GPD1L: variants seen among roughly 807,000 people sequenced by gnomAD.
GPD1L encodes the protein glycerol-3-phosphate dehydrogenase 1 like.
In GPD1L, 17 loss-of-function variants were observed where a neutral mutation model predicts 32.9. The observed-to-expected ratio is 0.52, with a 90% CI of 0.35 to 0.78. The LOEUF (loss-of-function observed/expected upper bound fraction) is 0.78. Ranked by LOEUF, GPD1L falls within the 30% of genes least tolerant of loss-of-function variation. The pLI is 0.01. For missense variants in GPD1L, 361 were observed against 447.8 expected (o/e 0.81, Z 1.75); for synonymous variants, 187 against 165.9 (o/e 1.13, Z -0.98).
At chr3:32,140,415 G>T in intron 4 of GPD1L, 49 bp downstream of exon 4, 1 of 1,590,776 alleles carries the variant, frequency 6.3e-7, no homozygotes, top group South Asian at 1.1e-5. Flanking sequence ...TTTGATGTTT[G>T]AACATGTACA....
intron 7 of GPD1L, among the ~76,000 whole-genome samples, chr3:32,162,118 G>A (rs923759389): frequency 7.9e-5 from 12 of 152,186 alleles, no homozygotes; most frequent in East Asian, 3.9e-4. Context: ...GGCAAGTCAC[G>A]TATTTAGCTG....
chr3:32,128,443 A>C (rs1305003076), intron 2 of GPD1L, among the ~76,000 whole-genome samples, 190 bp downstream of exon 2: 1 of 152,204 alleles, frequency 6.6e-6, no homozygotes, highest in East Asian at 1.9e-4. Context: ...AGGATGCCTT[A>C]ACAAAGTGCC....
intron 1 of GPD1L, among the ~76,000 whole-genome samples, chr3:32,119,489 A>T (rs1253924706): frequency 6.6e-6 from 1 of 152,148 alleles, no homozygotes; most frequent in Admixed American, 6.5e-5. Flanking sequence ...GTTCATATTG[A>T]TCTTTTTTCC....
intron 4 of GPD1L, among the ~76,000 whole-genome samples, chr3:32,146,118 G>A (rs1380517333): frequency 7.4e-6 from 1 of 135,456 alleles, no homozygotes; most frequent in African/African-American, 2.8e-5. Flanking sequence ...ACAGAGTCTC[G>A]CTCTGTTGCC....
intron 7 of GPD1L, among the ~76,000 whole-genome samples, chr3:32,161,442 T>G (rs1425345740): frequency 6.6e-6 from 1 of 152,170 alleles, no homozygotes; most frequent in East Asian, 1.9e-4. Context: ...TGTTTGTGTG[T>G]GGTTGGACTA....
chr3:32,148,600 A>G (rs1479174945), intron 5 of GPD1L, among the ~76,000 whole-genome samples: 1 of 152,230 alleles, frequency 6.6e-6, no homozygotes, highest in Non-Finnish European at 1.5e-5. Context: ...TGCACAGATA[A>G]GGAAATCGAG....
At chr3:32,157,080 A>C (rs1390934757) in intron 5 of GPD1L, among the ~76,000 whole-genome samples, 2 of 152,120 alleles carry the variant, frequency 1.3e-5, no homozygotes, top group African/African-American at 4.8e-5. Context: ...TGAAGTTCCA[A>C]CTGAGTTGCC....
chr3:32,126,800 G>C (rs1431727595), intron 1 of GPD1L, among the ~76,000 whole-genome samples: 1 of 152,154 alleles, frequency 6.6e-6, no homozygotes, highest in Admixed American at 6.5e-5. Flanking sequence ...AGTCATCAGG[G>C]AGCTTTAAAA....
At chr3:32,120,182 G>A (rs1700389571) in intron 1 of GPD1L, among the ~76,000 whole-genome samples, 2 of 152,108 alleles carry the variant, frequency 1.3e-5, no homozygotes, top group South Asian at 4.1e-4. Context: ...GTTGGGTGTG[G>A]TGGCGCGTGC....
At chr3:32,135,800 AG>A (rs1390954109) in intron 2 of GPD1L, among the ~76,000 whole-genome samples, 1 of 152,086 alleles carries the variant, frequency 6.6e-6, no homozygotes, top group Non-Finnish European at 1.5e-5. Flanking sequence ...GCTTTGTTGG[AG>A]GGGGTGGAGT....
chr3:32,151,982 A>T (rs1700926081), intron 5 of GPD1L: 1 of 152,588 alleles, frequency 6.6e-6, no homozygotes, highest in Non-Finnish European at 1.5e-5. Context: ...AGTTTCATTA[A>T]CAGAGACCCA....
chr3:32,149,187 G>A (rs1055679836), intron 5 of GPD1L, among the ~76,000 whole-genome samples: 1 of 152,154 alleles, frequency 6.6e-6, no homozygotes, highest in Admixed American at 6.5e-5. Context: ...TGCCTCCTGA[G>A]TAGCTGGGAC....
chr3:32,121,515 TTCTC>T (rs1341713369), intron 1 of GPD1L, among the ~76,000 whole-genome samples: 1,435 of 73,380 alleles, frequency 0.02, 92 homozygotes, highest in African/African-American at 0.047. Flanking sequence ...CTATATATAT[TTCTC>T]TCTATATATA....
At chr3:32,133,897 G>A (rs1208294513) in intron 2 of GPD1L, among the ~76,000 whole-genome samples, 1 of 152,178 alleles carries the variant, frequency 6.6e-6, no homozygotes. Context: ...TGTTTCCAAT[G>A]GTTTTTATTT....
chr3:32,145,608 A>C (rs1220757240), intron 4 of GPD1L, among the ~76,000 whole-genome samples: 1 of 152,090 alleles, frequency 6.6e-6, no homozygotes, highest in African/African-American at 2.4e-5. Flanking sequence ...AATGTTCAGG[A>C]GCATGCTTCA....
chr3:32,138,184 G>A (rs937211741), intron 2 of GPD1L, among the ~76,000 whole-genome samples: 1 of 152,202 alleles, frequency 6.6e-6, no homozygotes, highest in Admixed American at 6.5e-5. Flanking sequence ...GAAGCCCACT[G>A]GAAGCCAGAG....
chr3:32,158,616 C>G (rs1701027104), intron 5 of GPD1L: 1 of 642,912 alleles, frequency 1.6e-6, no homozygotes, highest in Non-Finnish European at 2.6e-6. Flanking sequence ...ATCAGCCGTT[C>G]TGATTTTCTG....
intron 1 of GPD1L, among the ~76,000 whole-genome samples, chr3:32,109,897 T>C (rs1298097369): frequency 2.0e-5 from 3 of 152,238 alleles, no homozygotes; most frequent in Non-Finnish European, 4.4e-5. Context: ...ACACTTTAAA[T>C]CGTGTTTCTT....
intron 7 of GPD1L, among the ~76,000 whole-genome samples, chr3:32,161,611 G>C (rs1701074537): frequency 6.6e-6 from 1 of 152,168 alleles, no homozygotes; most frequent in South Asian, 2.1e-4. Flanking sequence ...AGGATTCTCT[G>C]GATGGACAGG....
Sources: allele counts gnomAD v4.1 joint callset (sites outside exome capture counted in the v4.1 genomes callset), GRCh38; gene constraint gnomAD v4.1.1; transcripts MANE v1.5; gene names NCBI Gene and HGNC (gene_info 2026-07-23, HGNC 2026-07-21).